Variants in EP300 observed in about 807,000 individuals in gnomAD.
EP300 encodes EP300 lysine acetyltransferase, also known as histone acetyltransferase p300.
Under a neutral mutation model 264.0 loss-of-function variants are expected in EP300, and 31 were observed. That is an observed-to-expected ratio of 0.12 (90% CI 0.09 to 0.16). The LOEUF (loss-of-function observed/expected upper bound fraction) is 0.16. Among genes scored for constraint, EP300 ranks in the 10% least tolerant of loss-of-function variants. EP300 has a pLI of 1.00. For missense variants in EP300, 2,766 were observed against 3,052.9 expected, an observed-to-expected ratio of 0.91 and a Z score of 2.21; for synonymous variants, 1,340 against 1,045.4, an observed-to-expected ratio of 1.28 and a Z score of -5.44.
At chr22:41,146,165 ATTT>A (rs130087) in intron 10 of EP300, among the ~76,000 whole-genome samples, 2 of 139,070 alleles carry the variant, frequency 1.4e-5, no homozygotes. Flanking sequence ...GATGGCCTCA[ATTT>A]TTTTTTTTTT....
chr22:41,135,924 T>C lies in EP300; in HGVS notation c.1622+18T>C, dbSNP rs374179348. 15 of 1,560,220 alleles carry C rather than the reference T, an allele frequency of 9.6e-6. No individual in the cohort carries two copies. Among genetic ancestry groups the C allele is most frequent in the Non-Finnish European group, 4.4e-6 (5 of 1,130,968 alleles). On this transcript the variant is annotated intron_variant, in intron 7 of 30. Coordinates refer to ENST00000263253, the MANE Select transcript of EP300 (RefSeq NM_001429.4). ...TCTCAAAAGTAAGTCTTAACGTGAT[T>C]TATACCCTGGGTCACATTACAAATA... is the stretch of plus-strand genomic sequence containing the variant.
chr22:41,160,343 A>G, intron 19 of EP300: 1 of 376,936 alleles, frequency 2.7e-6, no homozygotes, highest in South Asian at 2.6e-5. Context: ...TTGTCTTGCA[A>G]TCCCTCATTT....
At position 41,173,559 on chromosome 22, in the gene EP300, T is replaced by C. The variant is rs922939441; in HGVS notation, c.4618-64T>C. The C allele has an allele frequency of 1.6e-5, 24 of 1,535,954 alleles. No homozygotes were observed. The Admixed American group carries it at 2.1e-4, about 13-fold the overall frequency. On this transcript the variant is annotated intron_variant, in intron 28 of 30. Transcript: ENST00000263253. ...CTAGTTTCAAAGAAGGGAGATATTC[T>C]GTGCTATTCCCAAATTACTTAACAA...
rs1197018785 is a variant in EP300, at chr22:41,178,914, C to T, written c.7203C>T (p.Asp2401=). ...TGGGACTCAGCACCGATAACTCAGA[C>T]TTGAATTCAAACCTCTCACAGAGTA... The part of the protein sequence containing the change: ...TDLGLSTDNS[D]LNSNLSQSTL... Residue 2401 remains aspartate, a synonymous_variant, in exon 31 of 31, where the codon GAC becomes GAT. Coordinates refer to ENST00000263253, the MANE Select transcript of EP300 (RefSeq NM_001429.4). The T allele has an allele frequency of 6.2e-7, 1 of 1,614,100 alleles. No individual in the cohort carries two copies. Among genetic ancestry groups the T allele is most frequent in the African/African-American group, 1.3e-5 (1 of 74,926 alleles).
rs750448948 is a variant in EP300, at chr22:41,172,481, A to G, written c.4453-18A>G. Reference sequence around the variant, plus strand: ...AAAGAACATAGAAATTCCTATATGTACATGCATGTTTTCACAGGATATTTT... The same window carrying G: ...AAAGAACATAGAAATTCCTATATGTGCATGCATGTTTTCACAGGATATTTT... On this transcript the variant is annotated intron_variant, in intron 27 of 30. Coordinates refer to ENST00000263253, the MANE Select transcript of EP300 (RefSeq NM_001429.4). The G allele has an allele frequency of 6.3e-7, 1 of 1,593,290 alleles. No homozygotes were observed. The highest frequency in any genetic ancestry group is 8.6e-7 in the Non-Finnish European group (1 of 1,161,228).
At chr22:41,139,431 C>T (rs957708964) in intron 8 of EP300, among the ~76,000 whole-genome samples, 3 of 152,134 alleles carry the variant, frequency 2.0e-5, no homozygotes, top group African/African-American at 4.8e-5. Flanking sequence ...TTTGACTTTA[C>T]GTTAAAAGTT....
chr22:41,095,933 T>G (rs985367637), intron 1 of EP300, among the ~76,000 whole-genome samples: 4 of 152,222 alleles, frequency 2.6e-5, no homozygotes, highest in African/African-American at 7.2e-5. Flanking sequence ...GAATTGCTGT[T>G]TAATACTCAG....
intron 4 of EP300, 70 bp from the exon 5 acceptor site, chr22:41,129,820 C>A: frequency 1.7e-6 from 2 of 1,189,308 alleles, no homozygotes; most frequent in South Asian, 2.5e-5. Context: ...ATTAAGTGGT[C>A]AACAAGTTAG....
intron 19 of EP300, chr22:41,160,415 A>T (rs1601626742): frequency 1.5e-5 from 7 of 455,354 alleles, no homozygotes; most frequent in Non-Finnish European, 2.3e-5. Flanking sequence ...CTTGGCTTTG[A>T]TTGCAAAAAA....
chr22:41,097,840 G>A (rs1429176115), intron 1 of EP300, among the ~76,000 whole-genome samples: 4 of 151,450 alleles, frequency 2.6e-5, no homozygotes, highest in Admixed American at 2.6e-4. Context: ...GACTACAGGC[G>A]CCTGCCACCA....
rs1197417099 is a variant in EP300, at chr22:41,149,974, A to G, written c.2593A>G (p.Thr865Ala). Reference protein sequence around the residue: ...PATTIPAPVPTPPAMPPGPQS... With the variant: ...PATTIPAPVPAPPAMPPGPQS... ...AACAACAATTCCAGCCCCTGTTCCTACACCTCCTGCCATGCCACCTGGGCC... is the reference window on the plus strand; with the variant it reads ...AACAACAATTCCAGCCCCTGTTCCTGCACCTCCTGCCATGCCACCTGGGCC... Residue 865 changes from threonine (T) to alanine (A), a missense_variant, in exon 14 of 31, where the codon ACA becomes GCA. Transcript: ENST00000263253. 2 of 1,613,020 alleles carry G rather than the reference A, an allele frequency of 1.2e-6. No homozygotes were observed. The highest frequency in any genetic ancestry group is 1.7e-6 in the Non-Finnish European group (2 of 1,179,838).
chr22:41,138,206 C>G (rs1290373365), intron 8 of EP300, among the ~76,000 whole-genome samples: 1 of 152,096 alleles, frequency 6.6e-6, no homozygotes, highest in Non-Finnish European at 1.5e-5. Flanking sequence ...CTCTGTTGCC[C>G]AGGCTGGAGT....
At chr22:41,158,233 G>C (rs757216944) in intron 18 of EP300, among the ~76,000 whole-genome samples, 179 bp from the exon 19 acceptor site, 32 of 152,200 alleles carry the variant, frequency 2.1e-4, no homozygotes, top group Non-Finnish European at 4.3e-4. Flanking sequence ...GCCTACCTCA[G>C]CGTTTTGAAA....
chr22:41,149,792 A>G lies in EP300; in HGVS notation c.2411A>G (p.Asn804Ser). 1 of 1,613,134 alleles carries G rather than the reference A, an allele frequency of 6.2e-7. No individual in the cohort carries two copies. The highest frequency in any genetic ancestry group is 1.7e-5 in the Admixed American group (1 of 59,892). Residue 804 changes from asparagine (N) to serine (S), a missense_variant, in exon 14 of 31, where the codon AAC becomes AGC. Asn to Ser is a conservative substitution (Grantham distance 46). Coordinates refer to ENST00000263253, the MANE Select transcript of EP300 (RefSeq NM_001429.4). ...ATGTCTAGTTCTTCCTGCCCGGTGA[A>G]CTCTCCTATAATGCCTCCAGGGTCT... ...AQMSSSSCPV[N>S]SPIMPPGSQG...
At chr22:41,137,900 A>G in intron 8 of EP300, 110 bp downstream of exon 8, 1 of 1,426,840 alleles carries the variant, frequency 7.0e-7, no homozygotes, top group Non-Finnish European at 9.7e-7. Context: ...TTTCTGTAGC[A>G]TGGAGGTTGA....
intron 16 of EP300, 108 bp downstream of exon 16, chr22:41,152,458 T>C (rs1354085847): frequency 7.5e-7 from 1 of 1,333,748 alleles, no homozygotes; most frequent in African/African-American, 1.5e-5. Flanking sequence ...TATTGTGATT[T>C]CATTAACCTG....
At chr22:41,126,087 C>A in intron 3 of EP300, 47 bp downstream of exon 3, 1 of 1,587,622 alleles carries the variant, frequency 6.3e-7, no homozygotes, top group Non-Finnish European at 8.6e-7. Context: ...GGCATTTTGA[C>A]AAAAGAATTG....
At position 41,170,398 on chromosome 22, in the gene EP300, A is replaced by G. The variant is rs772301814; in HGVS notation, c.4287-8A>G. ...TTTCCTTAATGTTCTTTCTCTTTGT[A>G]TTGTTAGTTACACAACAGGGCATAT... is the stretch of plus-strand genomic sequence containing the variant. On this transcript the variant is annotated splice_region_variant and splice_polypyrimidine_tract_variant and intron_variant, in intron 26 of 30. Coordinates refer to ENST00000263253, the MANE Select transcript of EP300 (RefSeq NM_001429.4). 3 of 1,611,420 alleles carry G rather than the reference A, an allele frequency of 1.9e-6. No individual in the cohort carries two copies. Among genetic ancestry groups the G allele is most frequent in the Non-Finnish European group, 2.5e-6 (3 of 1,177,870 alleles).
chr22:41,169,394 G>T, intron 25 of EP300, 109 bp from the exon 26 acceptor site: 1 of 757,220 alleles, frequency 1.3e-6, no homozygotes, highest in South Asian at 1.4e-5. Flanking sequence ...ATAACGATGT[G>T]AGCAAAGAGC....
Sources: allele counts gnomAD v4.1 joint callset (sites outside exome capture counted in the v4.1 genomes callset), GRCh38; gene constraint gnomAD v4.1.1; transcripts MANE v1.5; gene names NCBI Gene and HGNC (gene_info 2026-07-23, HGNC 2026-07-21).